FANCA: variants seen among roughly 807,000 people sequenced by gnomAD.
FANCA encodes FA complementation group A, also known as Fanconi anemia group A protein.
Under a neutral mutation model 194.3 loss-of-function variants are expected in FANCA, and 236 were observed. The observed-to-expected ratio is 1.21, with a 90% confidence interval of 1.09 to 1.35. The LOEUF is 1.35. Among genes scored for constraint, FANCA ranks in the 40% most tolerant of loss-of-function variants. FANCA has a pLI of 0.00. For synonymous variants in FANCA, 1,014 were observed against 715.8 expected, an observed-to-expected ratio of 1.42 and a Z score of -6.65; for missense variants, 2,628 against 1,813.9, an observed-to-expected ratio of 1.45 and a Z score of -8.15.
chr16:89,792,213 C>T lies in FANCA; in HGVS notation c.1084-145G>A, dbSNP rs369296648. On this transcript the variant is annotated intron_variant, in intron 12 of 42. Transcript: ENST00000389301. ...ACACATGGAGCTGTGACAGCTCACA[C>T]CGTGGCGTCTCTCCCCTCACAGTGG... 24 of 1,024,904 alleles carry T rather than the reference C, an allele frequency of 2.3e-5. No individual in the cohort carries two copies. The East Asian group carries it at 3.4e-4, about 14-fold the overall frequency. The allele number at this position is 1,024,904 out of a possible 1,614,324, so 63.5% of individuals were successfully genotyped here. A position where few individuals can be genotyped will look rare whatever the true frequency, so the allele number is the denominator to read the frequency against.
At position 89,783,030 on chromosome 16, in the gene FANCA, T is replaced by G. The variant is rs1355805026; in HGVS notation, c.1543A>C (p.Lys515Gln). The stretch of plus-strand genomic sequence containing the variant: ...GCCTTGAGGTCGGCCAGCCGTGTCT[T>G]GGCCAATGAGATGTAGTCTGTGAGG... ...SLLTDYISLA[K>Q]TRLADLKVSI... Residue 515 changes from lysine to glutamine, a missense_variant, in exon 16 of 43, where the codon AAG (lysine) becomes CAG (glutamine). Physicochemically the swap from Lys to Gln is moderately conservative, Grantham distance 53 (BLOSUM62 1). Transcript: ENST00000389301. 7 of 1,613,964 alleles carry G rather than the reference T, an allele frequency of 4.3e-6. No individual in the cohort carries two copies. The African/African-American group carries it at 9.3e-5, about 22-fold the overall frequency.
In FANCA at chr16:89,738,627, GGTCAGC is replaced by G. The variant is rs761743531; in HGVS notation, c.4336_4341del (p.Ala1446_Asp1447del). On this transcript the variant is annotated inframe_deletion, in exon 43 of 43. Transcript: ENST00000389301. ...CAGAAGAGATGAGGCTCCTGGGACA[GGTCAGC>G]GTCAGGGGCAGCCTGCTGTCTGCTC... The G allele has an allele frequency of 5.0e-6, 8 of 1,613,700 alleles. No individual in the cohort carries two copies. The highest frequency in any genetic ancestry group is 6.8e-6 in the Non-Finnish European group (8 of 1,180,040).
At chr16:89,805,230 C>A in intron 7 of FANCA, 50 bp downstream of exon 7, 1 of 1,421,850 alleles carries the variant, frequency 7.0e-7, no homozygotes, top group Non-Finnish European at 9.9e-7. Context: ...GGCATTATCA[C>A]AGATCAAAAT....
In FANCA at chr16:89,773,251, G is replaced by C. The variant is rs376320049; in HGVS notation, c.2014+20C>G. ...AGGCTGCACACATGAGACACAGCAT[G>C]AGCTCCCATCCATCCTCACCATCAC... On this transcript the variant is annotated intron_variant, in intron 22 of 42. Coordinates refer to ENST00000389301, the MANE Select transcript of FANCA (RefSeq NM_000135.4). 1.3e-5 allele frequency: 20 copies of C among 1,527,162 alleles called. No individual in the cohort carries two copies. In the African/African-American group the frequency reaches 2.8e-4, roughly 21 times the overall value. 94.6% of individuals were successfully genotyped at this position (1,527,162 alleles called of 1,614,324 possible).
chr16:89,798,736 T>C (rs1425803258), intron 10 of FANCA: 15 of 1,350,754 alleles, frequency 1.1e-5, no homozygotes, highest in Admixed American at 3.1e-5. Context: ...CTGAGCAGGA[T>C]CTGTGGAGGC....
chr16:89,808,211 C>T (rs1478763854), intron 6 of FANCA, 83 bp downstream of exon 6: 7 of 1,315,226 alleles, frequency 5.3e-6, no homozygotes, highest in East Asian at 2.3e-5. Context: ...AAATCAAACC[C>T]GTCTGATTCT....
intron 29 of FANCA, 141 bp from the exon 30 acceptor site, chr16:89,758,846 T>C: frequency 2.4e-6 from 3 of 1,255,124 alleles, no homozygotes; most frequent in Non-Finnish European, 3.4e-6. Flanking sequence ...GACCTTGGAG[T>C]AGGGATGAGA....
intron 18 of FANCA, 29 bp from the exon 19 acceptor site, chr16:89,779,032 C>T (rs1002194380): frequency 6.2e-7 from 1 of 1,609,456 alleles, no homozygotes; most frequent in African/African-American, 1.3e-5. Context: ...GACAGTGCAT[C>T]AGTCAGAGCA....
At chr16:89,766,928 G>GGCA (rs1286729966) in intron 27 of FANCA, among the ~76,000 whole-genome samples, 3 of 152,200 alleles carry the variant, frequency 2.0e-5, no homozygotes, top group Non-Finnish European at 4.4e-5. Flanking sequence ...CACAAGGAAA[G>GGCA]GCAGCACTCA....
chr16:89,743,307 CAG>C lies in FANCA; in HGVS notation c.3627-371_3627-370del, dbSNP rs1598064099. ...GTGGATCAGGCATTCCCTCCTACAA[CAG>C]AGAACAAAGGACTGCCTGGCTCTGG... On this transcript the variant is annotated intron_variant, in intron 36 of 42. Transcript: ENST00000389301. 2.0e-5 allele frequency among the ~76,000 whole-genome samples: 3 copies of C among 152,348 alleles called. No individual in the cohort carries two copies. The East Asian group carries it at 5.8e-4, about 29-fold the overall frequency.
intron 10 of FANCA, 41 bp downstream of exon 10, chr16:89,799,125 T>C (rs774458038): frequency 1.2e-6 from 2 of 1,614,110 alleles, no homozygotes; most frequent in Non-Finnish European, 1.7e-6. Flanking sequence ...GGCAGACACC[T>C]CCCTGCTGCA....
intron 20 of FANCA, among the ~76,000 whole-genome samples, chr16:89,777,270 T>G (rs1426516414): frequency 6.6e-6 from 1 of 152,030 alleles, no homozygotes; most frequent in Non-Finnish European, 1.5e-5. Context: ...TAGACCCAGC[T>G]ACTTGGGAGG....
chr16:89,752,696 A>T (rs1045611524), intron 30 of FANCA, among the ~76,000 whole-genome samples: 2 of 152,234 alleles, frequency 1.3e-5, no homozygotes, highest in Non-Finnish European at 2.9e-5. Context: ...GAGGGGATAT[A>T]CTGAGGTGTG....
At chr16:89,776,480 T>C (rs541010263) in intron 20 of FANCA, among the ~76,000 whole-genome samples, 65 of 152,062 alleles carry the variant, frequency 4.3e-4, no homozygotes, top group Non-Finnish European at 6.0e-4. Flanking sequence ...CATGAATCTT[T>C]GTTAATTTTA....
chr16:89,769,707 C>A lies in FANCA; in HGVS notation c.2504+130G>T. The A allele has an allele frequency of 2.9e-6, 3 of 1,043,354 alleles. No homozygotes were observed. The South Asian group carries it at 4.1e-5, about 14-fold the overall frequency. The allele number at this position is 1,043,354 out of a possible 1,614,324, so 64.6% of individuals were successfully genotyped here. A position where few individuals can be genotyped will look rare whatever the true frequency, so the allele number is the denominator to read the frequency against. On this transcript the variant is annotated intron_variant, in intron 26 of 42. Transcript: ENST00000389301. ...AGATAAAATTCTGGAAGGATATATA[C>A]CAAAATGCTAAAAAGTGGTTATCTT...
At chr16:89,758,054 A>G (rs1340583388) in intron 30 of FANCA, among the ~76,000 whole-genome samples, 1 of 151,988 alleles carries the variant, frequency 6.6e-6, no homozygotes, top group Admixed American at 6.6e-5. Flanking sequence ...GGGAGGTTTC[A>G]CCATGTAGGC....
chr16:89,796,968 C>G (rs1362095649), intron 10 of FANCA, among the ~76,000 whole-genome samples: 2 of 151,766 alleles, frequency 1.3e-5, no homozygotes, highest in Non-Finnish European at 2.9e-5. Flanking sequence ...ACCATCCCGG[C>G]CAACCCAACG....
chr16:89,773,131 C>A (rs1470433750), intron 22 of FANCA, 140 bp downstream of exon 22: 1 of 727,186 alleles, frequency 1.4e-6, no homozygotes, highest in Non-Finnish European at 2.4e-6. Flanking sequence ...CACCCGCCAG[C>A]CCGGGGTCAA....
At chr16:89,770,074 A>C (rs2039270073) in intron 25 of FANCA, 50 bp from the exon 26 acceptor site, 2 of 1,597,138 alleles carry the variant, frequency 1.3e-6, no homozygotes, top group South Asian at 1.1e-5. Context: ...TCCAAGCTGG[A>C]ATTTTCCAGG....
Sources: allele counts gnomAD v4.1 joint callset (sites outside exome capture counted in the v4.1 genomes callset), GRCh38; gene constraint gnomAD v4.1.1; transcripts MANE v1.5; gene names NCBI Gene and HGNC (gene_info 2026-07-23, HGNC 2026-07-21).